The following LRRC4C variants were observed in gnomAD, a reference collection of about 807,000 sequenced individuals.
LRRC4C encodes the protein leucine-rich repeat-containing protein 4C.
A neutral mutation model predicts 33.6 loss-of-function variants in LRRC4C; 5 were observed. That is an observed-to-expected ratio of 0.15 (90% confidence interval 0.08 to 0.31). LRRC4C has a LOEUF of 0.31. Among genes scored for constraint, LRRC4C ranks in the 10% least tolerant of loss-of-function variants. The pLI is 1.00. For synonymous variants in LRRC4C, 329 were observed against 302.0 expected (o/e 1.09, Z -0.93); for missense variants, 560 against 796.7 (o/e 0.70, Z 3.58).
chr11:40,491,556 C>A (rs764618579), intron 3 of LRRC4C, among the ~76,000 whole-genome samples: 2 of 152,040 alleles, frequency 1.3e-5, no homozygotes, highest in African/African-American at 4.8e-5. Flanking sequence ...TGTAGGAATG[C>A]GTACCTCAGC....
chr11:40,216,448 C>T (rs1018746210), intron 5 of LRRC4C, among the ~76,000 whole-genome samples: 4 of 152,146 alleles, frequency 2.6e-5, no homozygotes, highest in Non-Finnish European at 5.9e-5. Context: ...CATAATCCCC[C>T]ATCTCAATAG....
At chr11:40,833,473 A>G (rs1952511483) in intron 2 of LRRC4C, among the ~76,000 whole-genome samples, 1 of 152,112 alleles carries the variant, frequency 6.6e-6, no homozygotes, top group Admixed American at 6.6e-5. Flanking sequence ...AAAAGTATCA[A>G]TGAGATTTTT....
chr11:40,149,808 G>A (rs1410880260), intron 5 of LRRC4C, among the ~76,000 whole-genome samples: 2 of 152,156 alleles, frequency 1.3e-5, no homozygotes, highest in Non-Finnish European at 2.9e-5. Flanking sequence ...GGAGAATGTT[G>A]TACTTAAAGA....
At chr11:41,305,885 C>T (rs1185934391) in intron 1 of LRRC4C, among the ~76,000 whole-genome samples, 2 of 114,328 alleles carry the variant, frequency 1.7e-5, no homozygotes, top group African/African-American at 5.9e-5. Context: ...GTGAGAAACA[C>T]CCAAGAATTA....
chr11:40,738,187 G>A (rs2136872809), intron 2 of LRRC4C, among the ~76,000 whole-genome samples: 1 of 151,876 alleles, frequency 6.6e-6, no homozygotes, highest in East Asian at 2.0e-4. Flanking sequence ...ACTGAAACTG[G>A]ACCCCTTCCC....
chr11:41,436,037 G>A (rs1001291883), intron 1 of LRRC4C, among the ~76,000 whole-genome samples: 5 of 151,994 alleles, frequency 3.3e-5, no homozygotes, highest in African/African-American at 1.2e-4. Context: ...AACCTTGTCT[G>A]TACTAAAAAT....
At chr11:41,321,744 G>GAAT (rs2137277295) in intron 1 of LRRC4C, among the ~76,000 whole-genome samples, 1 of 152,198 alleles carries the variant, frequency 6.6e-6, no homozygotes, top group East Asian at 1.9e-4. Context: ...TAGTAACTGG[G>GAAT]AATAGCATCA....
chr11:40,313,693 C>T (rs1298528806), intron 4 of LRRC4C, among the ~76,000 whole-genome samples: 1 of 150,294 alleles, frequency 6.7e-6, no homozygotes, highest in East Asian at 2.0e-4. Flanking sequence ...CTGCAAGCTC[C>T]ACCTTCCGGG....
chr11:40,984,673 C>T (rs765017021), intron 1 of LRRC4C, among the ~76,000 whole-genome samples: 8 of 151,830 alleles, frequency 5.3e-5, no homozygotes, highest in Non-Finnish European at 8.8e-5. Context: ...CAATTTTATA[C>T]GTTTAGTTAG....
intron 3 of LRRC4C, among the ~76,000 whole-genome samples, chr11:40,584,364 G>T (rs1465630287): frequency 6.6e-6 from 1 of 151,344 alleles, no homozygotes; most frequent in African/African-American, 2.4e-5. Flanking sequence ...AGTTTTTGGA[G>T]AGAAAATTTG....
intron 3 of LRRC4C, among the ~76,000 whole-genome samples, chr11:40,334,726 G>GA (rs990581294): frequency 8.6e-5 from 13 of 152,030 alleles, no homozygotes; most frequent in Non-Finnish European, 1.8e-4. Context: ...AGCGAGGTAT[G>GA]AAAAAAAGCA....
At chr11:41,373,571 G>A (rs1952830367) in intron 1 of LRRC4C, among the ~76,000 whole-genome samples, 1 of 152,072 alleles carries the variant, frequency 6.6e-6, no homozygotes, top group Non-Finnish European at 1.5e-5. Context: ...CTTCTGCATG[G>A]CTATCTCAAA....
intron 1 of LRRC4C, among the ~76,000 whole-genome samples, chr11:41,047,238 C>T (rs1857837691): frequency 6.6e-6 from 1 of 151,938 alleles, no homozygotes; most frequent in Non-Finnish European, 1.5e-5. Context: ...GTTGAATAAG[C>T]ATATAAAAAG....
chr11:40,116,095 G>T lies in LRRC4C; in HGVS notation c.198C>A (p.Asn66Lys). The change falls in exon 7 of 7, where the codon AAC becomes AAA. Residue 66 changes from asparagine to lysine, a missense_variant. Asn to Lys is a moderately conservative substitution (Grantham distance 94). Coordinates refer to ENST00000528697, the MANE Select transcript of LRRC4C (RefSeq NM_001258419.2). ...AGATGCCATCCGGAACCTCACGCAG[G>T]TTTTTCCGAACACAAATCACCTTGC... ...QFSKVICVRK[N>K]LREVPDGIST... The T allele has an allele frequency of 6.2e-7, 1 of 1,614,062 alleles. No homozygotes were observed. The highest frequency in any genetic ancestry group is 8.5e-7 in the Non-Finnish European group (1 of 1,180,024).
chr11:41,438,311 A>G (rs1955506441), intron 1 of LRRC4C, among the ~76,000 whole-genome samples: 1 of 152,108 alleles, frequency 6.6e-6, no homozygotes, highest in Non-Finnish European at 1.5e-5. Flanking sequence ...GATGAAAAAG[A>G]TCTCGGCTCT....
At chr11:41,314,421 G>A (rs1487289828) in intron 1 of LRRC4C, among the ~76,000 whole-genome samples, 1 of 152,174 alleles carries the variant, frequency 6.6e-6, no homozygotes, top group African/African-American at 2.4e-5. Flanking sequence ...ATTCAAGATT[G>A]ATATGATAAT....
chr11:41,034,871 T>C (rs1287989166), intron 1 of LRRC4C, among the ~76,000 whole-genome samples: 1 of 150,596 alleles, frequency 6.6e-6, no homozygotes, highest in Non-Finnish European at 1.5e-5. Context: ...CATGGTTTCA[T>C]GAAGCTGTCA....
intron 2 of LRRC4C, among the ~76,000 whole-genome samples, chr11:40,899,379 C>T (rs1956110549): frequency 6.6e-6 from 1 of 152,192 alleles, no homozygotes; most frequent in Non-Finnish European, 1.5e-5. Flanking sequence ...GTCCATCTTC[C>T]TGACATCAAC....
intron 2 of LRRC4C, among the ~76,000 whole-genome samples, chr11:40,722,713 C>T (rs1054547515): frequency 2.6e-5 from 4 of 152,158 alleles, no homozygotes; most frequent in Non-Finnish European, 5.9e-5. Context: ...GTTTTGTTAC[C>T]TCCAAAGGAT....
Sources: gnomAD v4.1 joint callset for allele counts (sites outside exome capture counted in the v4.1 genomes callset) on GRCh38, gnomAD v4.1.1 for gene constraint, MANE v1.5 for transcripts, NCBI Gene and HGNC (gene_info 2026-07-23, HGNC 2026-07-21) for gene names.